The following MGA variants were observed in gnomAD, a reference collection of about 807,000 sequenced individuals.
The protein encoded by MGA is MAX gene-associated protein.
Under a neutral mutation model 261.1 loss-of-function variants are expected in MGA, and 40 were observed. The ratio of observed to expected loss-of-function variants is 0.15; its 90% CI spans 0.12 to 0.20. MGA has a LOEUF of 0.20. Ranked by LOEUF, MGA falls within the 10% of genes least tolerant of loss-of-function variation. The pLI, the probability that MGA is intolerant of heterozygous loss-of-function variation, is 1.00. For synonymous variants in MGA, 1,302 were observed against 1,290.6 expected, an observed-to-expected ratio of 1.01 and a Z score of -0.19; for missense variants, 3,397 against 3,630.5, an observed-to-expected ratio of 0.94 and a Z score of 1.65.
At position 41,743,113 on chromosome 15, in the gene MGA, G is replaced by A; in HGVS notation, c.5153G>A (p.Gly1718Asp). The A allele has an allele frequency of 6.2e-7, 1 of 1,613,622 alleles. No homozygotes were observed. Among genetic ancestry groups the A allele is most frequent in the East Asian group, 2.2e-5 (1 of 44,872 alleles). Residue 1718 changes from glycine to aspartate, a missense_variant, in exon 15 of 24, where the codon GGC becomes GAC. This residue lies in a region of MGA where 1,410 missense variants were observed against 1,386.4 expected (regional missense o/e 1.02). Transcript: ENST00000219905. ...GTGACCACACCAACTTCATCTCTGG[G>A]CTCTGTTCCTATTATACTCTCAGGA...
At chr15:41,716,485 A>G (rs886254232) in intron 9 of MGA, among the ~76,000 whole-genome samples, 11 of 152,048 alleles carry the variant, frequency 7.2e-5, no homozygotes, top group African/African-American at 2.4e-4. Context: ...GAGGGGTGAT[A>G]TTTTTGTTAA....
chr15:41,734,694 C>CT, intron 12 of MGA, 100 bp downstream of exon 12: 1 of 879,088 alleles, frequency 1.1e-6, no homozygotes, highest in Middle Eastern at 2.3e-4. Context: ...CAGAATATGT[C>CT]TGCCTACCCT....
At chr15:41,627,497 G>A (rs1476740245) in intron 1 of MGA, among the ~76,000 whole-genome samples, 1 of 152,160 alleles carries the variant, frequency 6.6e-6, no homozygotes, top group Non-Finnish European at 1.5e-5. Context: ...AGAGTACTTA[G>A]TATCAACATG....
At chr15:41,678,766 CA>C (rs112308045) in intron 2 of MGA, among the ~76,000 whole-genome samples, 105,073 of 140,210 alleles carry the variant, frequency 0.75, 39,781 homozygotes, top group East Asian at 0.86. Flanking sequence ...GACTCCATCT[CA>C]AAAAAAAAAA....
At chr15:41,718,403 C>T (rs989914057) in intron 9 of MGA, 16 of 1,216,720 alleles carry the variant, frequency 1.3e-5, no homozygotes, top group Admixed American at 2.1e-5. Context: ...AAATTCCATT[C>T]GTCAGGGCAA....
chr15:41,674,233 A>G (rs1037281700), intron 2 of MGA, among the ~76,000 whole-genome samples: 8 of 151,442 alleles, frequency 5.3e-5, no homozygotes, highest in Admixed American at 1.3e-4. Context: ...GTCTGGCTCT[A>G]TTGCCTCAGC....
Position 41,766,699 on chromosome 15 carries a change from G to C in MGA, c.8617G>C (p.Ala2873Pro), listed in dbSNP as rs1234603574. Residue 2873 changes from alanine to proline, a missense_variant, in exon 24 of 24, where the codon GCA becomes CCA. Physicochemically the swap from Ala to Pro is conservative, Grantham distance 27 (BLOSUM62 -1). Coordinates refer to ENST00000219905, the MANE Select transcript of MGA (RefSeq NM_001164273.2). The stretch of plus-strand genomic sequence containing the variant: ...TAGTAAGGTTCCTCCTGGAAGCAGA[G>C]CAACTTTCCAGGTTGAGCACTTGGG... 2 of 1,613,890 alleles carry C rather than the reference G, an allele frequency of 1.2e-6. No homozygotes were observed. The highest frequency in any genetic ancestry group is 1.7e-6 in the Non-Finnish European group (2 of 1,179,898).
At position 41,766,417 on chromosome 15, in the gene MGA, A is replaced by C; in HGVS notation, c.8335A>C (p.Lys2779Gln). 1 of 1,613,894 alleles carries C rather than the reference A, an allele frequency of 6.2e-7. No individual in the cohort carries two copies. The highest frequency in any genetic ancestry group is 8.5e-7 in the Non-Finnish European group (1 of 1,179,806). ...AAAGGATTCTTCATTTCATAAATTA[A>C]AGATGAAAGATCTCAAGGACTCAAG... The change falls in exon 24 of 24, where the codon AAG (lysine) becomes CAG (glutamine). Residue 2779 changes from lysine to glutamine, a missense_variant. By Grantham distance (53) the Lys-to-Gln change is moderately conservative (BLOSUM62 1). Coordinates refer to ENST00000219905, the MANE Select transcript of MGA (RefSeq NM_001164273.2).
intron 5 of MGA, among the ~76,000 whole-genome samples, chr15:41,706,882 A>T (rs2060145592): frequency 6.6e-6 from 1 of 152,084 alleles, no homozygotes. Flanking sequence ...CCAATAATTA[A>T]CGCTTCACTT....
chr15:41,688,742 G>C (rs2059104992), intron 2 of MGA, among the ~76,000 whole-genome samples: 1 of 151,616 alleles, frequency 6.6e-6, no homozygotes, highest in Non-Finnish European at 1.5e-5. Flanking sequence ...TTTTTTAGTG[G>C]TTGCATTTGT....
chr15:41,636,081 C>T (rs2056697966), intron 1 of MGA, among the ~76,000 whole-genome samples: 1 of 151,968 alleles, frequency 6.6e-6, no homozygotes, highest in Non-Finnish European at 1.5e-5. Flanking sequence ...CTGGAGTATG[C>T]ATTTACTATA....
intron 1 of MGA, among the ~76,000 whole-genome samples, chr15:41,638,931 G>A (rs1325951989): frequency 6.6e-6 from 1 of 151,932 alleles, no homozygotes; most frequent in Non-Finnish European, 1.5e-5. Context: ...GGCTGGTCTT[G>A]CACTCTTGGG....
upstream of MGA, among the ~76,000 whole-genome samples, chr15:41,656,461 C>T (rs1479619294): frequency 6.6e-6 from 1 of 151,156 alleles, no homozygotes; most frequent in African/African-American, 2.4e-5. Context: ...CCCACCTCAC[C>T]CTCCTGAGTG....
chr15:41,716,008 C>T (rs1164500655), intron 9 of MGA, among the ~76,000 whole-genome samples: 1 of 152,062 alleles, frequency 6.6e-6, no homozygotes, highest in Non-Finnish European at 1.5e-5. Flanking sequence ...CATCCTGTGC[C>T]CTATCCTTGA....
At chr15:41,729,398 T>G (rs1250143705) in intron 11 of MGA, 49 bp downstream of exon 11, 1 of 1,530,368 alleles carries the variant, frequency 6.5e-7, no homozygotes, top group South Asian at 1.2e-5. Context: ...TTACCTGTTT[T>G]TGGTATTAAG....
chr15:41,674,300 A>G (rs976728423), intron 2 of MGA, among the ~76,000 whole-genome samples: 2 of 151,438 alleles, frequency 1.3e-5, no homozygotes, highest in African/African-American at 4.9e-5. Flanking sequence ...GGTTCAAGCA[A>G]TTTTCCTGCC....
Position 41,762,476 on chromosome 15 carries a change from TTTTTTTTTTTTTTTTG to T in MGA, c.7744+115_7744+130del. 4.1e-6 allele frequency: 3 copies of T among 731,272 alleles called. No homozygotes were observed. In the South Asian group the frequency reaches 6.5e-5, roughly 16 times the overall value. The allele number at this position is 731,272 out of a possible 1,614,324, so 45.3% of individuals were successfully genotyped here. On this transcript the variant is annotated intron_variant, in intron 22 of 23. Coordinates refer to ENST00000219905, the MANE Select transcript of MGA (RefSeq NM_001164273.2). ...GTTTTGTGTGGTTTTTTTTTTTTTT[TTTTTTTTTTTTTTTTG>T]GAGACAGCTCTGTCGCCCAGGCTGC... is the stretch of plus-strand genomic sequence containing the variant.
Position 41,766,843 on chromosome 15 carries a change from T to C in MGA, c.8761T>C (p.Ser2921Pro). ...TGAAAAACAACTTGCAGAACCAGCC[T>C]CTGAGCCAGATGTCCTTAAGATTGT... The change falls in exon 24 of 24, where the codon TCT becomes CCT. Residue 2921 changes from serine to proline, a missense_variant. Around this residue, in one of 9 missense-constraint regions of MGA, gnomAD observed 647 missense variants for 642.4 expected, o/e 1.01. Transcript: ENST00000219905. 6.2e-7 allele frequency: 1 copy of C among 1,614,034 alleles called. No homozygotes were observed. The highest frequency in any genetic ancestry group is 8.5e-7 in the Non-Finnish European group (1 of 1,179,906).
chr15:41,748,608 G>C lies in MGA; in HGVS notation c.5213-29G>C, dbSNP rs761013511. 1.9e-6 allele frequency: 3 copies of C among 1,599,438 alleles called. No individual in the cohort carries two copies. In the South Asian group the frequency reaches 3.4e-5, roughly 18 times the overall value. On this transcript the variant is annotated intron_variant, in intron 15 of 23. Coordinates refer to ENST00000219905, the MANE Select transcript of MGA (RefSeq NM_001164273.2). ...CTACGTGTGTTAAAGGGGAATTTGG[G>C]TACCATGTTTCCATTTCCTGTTTTT...
Sources: gnomAD v4.1 joint callset for allele counts (sites outside exome capture counted in the v4.1 genomes callset) on GRCh38, gnomAD v4.1.1 for gene constraint, gnomAD v4.1.1 regional missense constraint, MANE v1.5 for transcripts, NCBI Gene and HGNC (gene_info 2026-07-23, HGNC 2026-07-21) for gene names.